EHMT1: variants seen among roughly 807,000 people sequenced by gnomAD.
The protein encoded by EHMT1 is histone-lysine N-methyltransferase EHMT1.
A neutral mutation model predicts 147.2 loss-of-function variants in EHMT1; 15 were observed. The observed-to-expected ratio is 0.10, with a 90% CI of 0.07 to 0.16. The LOEUF is 0.16. Among genes scored for constraint, EHMT1 ranks in the 10% least tolerant of loss-of-function variants. The pLI is 1.00. For synonymous variants in EHMT1, 795 were observed against 709.6 expected (o/e 1.12, Z -1.91); for missense variants, 1,587 against 1,772.4 (o/e 0.90, Z 1.88).
intron 1 of EHMT1, among the ~76,000 whole-genome samples, chr9:137,645,493 A>C (rs1844817998): frequency 6.6e-6 from 1 of 152,244 alleles, no homozygotes; most frequent in Admixed American, 6.5e-5. Context: ...TACTTACAGA[A>C]GCCCTTGTGT....
chr9:137,752,184 G>A (rs576894288), intron 6 of EHMT1, 147 bp from the exon 7 acceptor site: 6 of 910,852 alleles, frequency 6.6e-6, no homozygotes, highest in South Asian at 1.5e-5. Flanking sequence ...GGAGCAGGCC[G>A]GCGGCGCCCC....
intron 1 of EHMT1, among the ~76,000 whole-genome samples, chr9:137,639,291 T>G (rs1334107515): frequency 1.3e-5 from 2 of 152,212 alleles, no homozygotes; most frequent in Non-Finnish European, 2.9e-5. Flanking sequence ...TTGAAAATAA[T>G]GTGCATTATG....
chr9:137,727,091 C>G (rs1159196750), intron 3 of EHMT1, among the ~76,000 whole-genome samples: 1 of 152,124 alleles, frequency 6.6e-6, no homozygotes, highest in Non-Finnish European at 1.5e-5. Context: ...TTCTCCATTC[C>G]ATAACCTGCT....
intron 19 of EHMT1, among the ~76,000 whole-genome samples, chr9:137,812,182 ACAAAAATTAG>A (rs1490764646): frequency 2.0e-5 from 3 of 152,176 alleles, no homozygotes; most frequent in Non-Finnish European, 1.5e-5. Flanking sequence ...CTACTAAAAT[ACAAAAATTAG>A]CCGGCCATGG....
intron 4 of EHMT1, among the ~76,000 whole-genome samples, chr9:137,739,078 A>G (rs1947816299): frequency 6.6e-6 from 1 of 151,990 alleles, no homozygotes; most frequent in South Asian, 2.1e-4. Flanking sequence ...ACTAGTAAAA[A>G]AAAAAAAAAC....
chr9:137,675,802 T>TTTTTTTTTTTTTTTTTTTTTG (rs35541714), intron 1 of EHMT1, among the ~76,000 whole-genome samples: 1 of 104,720 alleles, frequency 9.5e-6, no homozygotes, highest in African/African-American at 4.2e-5. Context: ...TTTTTTTTTT[T>TTTTTTTTTTTTTTTTTTTTTG]AGACGGAGTC....
Position 137,716,929 on chromosome 9 carries a change from C to A in EHMT1, c.389C>A (p.Pro130Gln). Residue 130 changes from proline to glutamine, a missense_variant, in exon 3 of 27, where the codon CCG becomes CAG. Pro to Gln is a moderately conservative substitution (Grantham distance 76). Transcript: ENST00000460843. ...IGSNGYILNK[P>Q]ALQAQPLRTT... ...AGCAACGGATACATCTTAAATAAGC[C>A]GGCCCTACAGGCACAGCCCTTGAGG... 1 of 1,612,966 alleles carries A rather than the reference C, an allele frequency of 6.2e-7. No homozygotes were observed. The highest frequency in any genetic ancestry group is 1.3e-5 in the African/African-American group (1 of 75,016).
At chr9:137,797,688 A>C (rs1261210881) in intron 16 of EHMT1, among the ~76,000 whole-genome samples, 1 of 152,156 alleles carries the variant, frequency 6.6e-6, no homozygotes, top group Non-Finnish European at 1.5e-5. Flanking sequence ...GAAGGTGAGC[A>C]TGCTGATTTA....
In EHMT1 at chr9:137,811,386, C is replaced by T. The variant is rs931582456; in HGVS notation, c.2713-75C>T. The T allele has an allele frequency of 1.4e-5, 22 of 1,596,720 alleles. No individual in the cohort carries two copies. The South Asian group carries it at 2.1e-4, about 15-fold the overall frequency. On this transcript the variant is annotated intron_variant, in intron 18 of 26. Transcript: ENST00000460843. ...AGCCTCTCCCCGGGCACATGGGCTG[C>T]AGCTGCTGTGGCCCAGCCCCAGCAC... is the stretch of plus-strand genomic sequence containing the variant.
chr9:137,817,970 T>C, intron 24 of EHMT1, 90 bp from the exon 25 acceptor site: 1 of 1,265,042 alleles, frequency 7.9e-7, no homozygotes, highest in Non-Finnish European at 1.2e-6. Flanking sequence ...TGCCCTGCTC[T>C]TTCCCTGTGG....
chr9:137,830,773 A>G (rs1349297177), intron 25 of EHMT1, among the ~76,000 whole-genome samples: 1 of 152,202 alleles, frequency 6.6e-6, no homozygotes, highest in Non-Finnish European at 1.5e-5. Context: ...TTTAAATGTT[A>G]CAATTTAATT....
In EHMT1 at chr9:137,758,152, G is replaced by T; in HGVS notation, c.1501+141G>T. 3.4e-6 allele frequency: 4 copies of T among 1,168,308 alleles called. No homozygotes were observed. The South Asian group carries it at 3.8e-5, about 11-fold the overall frequency. The allele number at this position is 1,168,308 out of a possible 1,614,324, so 72.4% of individuals were successfully genotyped here. A position where few individuals can be genotyped will look rare whatever the true frequency, so the allele number is the denominator to read the frequency against. On this transcript the variant is annotated intron_variant, in intron 9 of 26. Coordinates refer to ENST00000460843, the MANE Select transcript of EHMT1 (RefSeq NM_024757.5). The stretch of plus-strand genomic sequence containing the variant: ...CTGCATCACTTCCAGCTGAGGTGTA[G>T]ACAGGATGGGGTGCGTTTGCTGTGT...
intron 1 of EHMT1, among the ~76,000 whole-genome samples, chr9:137,635,510 C>A (rs1055756872): frequency 6.6e-6 from 1 of 151,302 alleles, no homozygotes; most frequent in African/African-American, 2.4e-5. Flanking sequence ...CCACTGCGCT[C>A]GGCCTTCAGT....
At chr9:137,654,402 A>C (rs942476994) in intron 1 of EHMT1, among the ~76,000 whole-genome samples, 20 of 143,908 alleles carry the variant, frequency 1.4e-4, no homozygotes, top group African/African-American at 4.8e-4. Flanking sequence ...CAAAAAAAAA[A>C]GAGAAAAATT....
chr9:137,701,478 C>T (rs890430255), intron 1 of EHMT1, among the ~76,000 whole-genome samples: 1 of 151,316 alleles, frequency 6.6e-6, no homozygotes, highest in South Asian at 2.1e-4. Context: ...TTTATTTTGA[C>T]GTGCAGTTTT....
chr9:137,645,017 T>G (rs1182875896), intron 1 of EHMT1, among the ~76,000 whole-genome samples: 1 of 151,850 alleles, frequency 6.6e-6, no homozygotes, highest in Non-Finnish European at 1.5e-5. Flanking sequence ...GGATTACAGG[T>G]GTGTGTCACC....
At chr9:137,816,331 CTTGGCCTAAGAA>C (rs1312107413) in intron 23 of EHMT1, 19 of 517,838 alleles carry the variant, frequency 3.7e-5, no homozygotes, top group African/African-American at 2.5e-4. Context: ...GAGGAACGGA[CTTGGCCTAAGAA>C]TTACCTTTGT....
chr9:137,711,891 C>T (rs1944764545), intron 2 of EHMT1, among the ~76,000 whole-genome samples: 1 of 152,230 alleles, frequency 6.6e-6, no homozygotes, highest in Non-Finnish European at 1.5e-5. Flanking sequence ...CTGCTCCTCT[C>T]CAGACAGCGC....
intron 1 of EHMT1, among the ~76,000 whole-genome samples, chr9:137,624,512 C>T (rs2501551): frequency 0.012 from 1,873 of 152,154 alleles, 29 homozygotes; most frequent in African/African-American, 0.042. Context: ...GACAGGGTTT[C>T]GCCATATCGG....
Sources: gnomAD v4.1 joint callset for allele counts (sites outside exome capture counted in the v4.1 genomes callset) on GRCh38, gnomAD v4.1.1 for gene constraint, MANE v1.5 for transcripts, NCBI Gene and HGNC (gene_info 2026-07-23, HGNC 2026-07-21) for gene names.